SESTD1: variants seen among roughly 807,000 people sequenced by gnomAD.
SESTD1 encodes SEC14 and spectrin domain containing 1.
In SESTD1, 43 loss-of-function variants were observed where a neutral mutation model predicts 101.7. The ratio of observed to expected loss-of-function variants is 0.42; its 90% CI spans 0.33 to 0.55. The LOEUF is 0.55. Among genes scored for constraint, SESTD1 ranks in the 20% least tolerant of loss-of-function variants. The pLI, the probability that SESTD1 is intolerant of heterozygous loss-of-function variation, is 0.07. For missense variants in SESTD1, 647 were observed against 815.1 expected (o/e 0.79, Z 2.51); for synonymous variants, 283 against 286.8 (o/e 0.99, Z 0.13).
intron 5 of SESTD1, among the ~76,000 whole-genome samples, chr2:179,166,760 C>A (rs1234919640): frequency 2.0e-4 from 30 of 152,192 alleles, no homozygotes; most frequent in Admixed American, 2.0e-3. Context: ...AAGCAAAATT[C>A]TCTGGCAAAC....
At chr2:179,164,953 T>C (rs764555051) in intron 5 of SESTD1, among the ~76,000 whole-genome samples, 1 of 152,220 alleles carries the variant, frequency 6.6e-6, no homozygotes, top group Non-Finnish European at 1.5e-5. Context: ...TTTTTAAATA[T>C]TTACAAACAC....
chr2:179,223,264 C>T (rs10439300), intron 1 of SESTD1, among the ~76,000 whole-genome samples: 35,862 of 151,936 alleles, frequency 0.24, 4,809 homozygotes, highest in African/African-American at 0.38. Context: ...AGGCCAGTGG[C>T]TGCCTAGGGC....
intron 1 of SESTD1, among the ~76,000 whole-genome samples, chr2:179,195,511 A>T (rs1436735393): frequency 6.6e-6 from 1 of 152,226 alleles, no homozygotes; most frequent in East Asian, 1.9e-4. Flanking sequence ...AAAACAGACT[A>T]AATAGAAACT....
chr2:179,185,057 T>C (rs564373304), intron 2 of SESTD1, among the ~76,000 whole-genome samples: 6 of 152,140 alleles, frequency 3.9e-5, no homozygotes, highest in East Asian at 3.9e-4. Flanking sequence ...GTGTCTACTA[T>C]TGAAAAGAGT....
chr2:179,197,605 G>A lies in SESTD1; in HGVS notation c.-25-5739C>T, dbSNP rs540590789. On this transcript the variant is annotated intron_variant, in intron 1 of 17. Coordinates refer to ENST00000428443, the MANE Select transcript of SESTD1 (RefSeq NM_178123.5). ...AGGGAAGCCCATCAGACTAACAGCA[G>A]ATCTCTCTGCAGAAACTCTACAAGC... 1.2e-4 allele frequency among the ~76,000 whole-genome samples: 18 copies of A among 152,354 alleles called. No individual in the cohort carries two copies. The South Asian group carries it at 3.7e-3, about 32-fold the overall frequency.
intron 1 of SESTD1, among the ~76,000 whole-genome samples, chr2:179,217,328 T>C (rs923181486): frequency 4.6e-5 from 7 of 152,172 alleles, no homozygotes; most frequent in African/African-American, 1.2e-4. Flanking sequence ...AGGATATAAA[T>C]AGACACTTCT....
chr2:179,174,439 G>T, intron 4 of SESTD1: 1 of 468,952 alleles, frequency 2.1e-6, no homozygotes. Context: ...AGTTCAAACA[G>T]CAAGTCCCAA....
rs569377652 is a variant in SESTD1 at position 179,104,729 on chromosome 2, C to G, written c.*5170G>C. The G allele has an allele frequency of 1.3e-4, 20 of 152,012 alleles. No individual in the cohort carries two copies. Among genetic ancestry groups the G allele is most frequent in the Non-Finnish European group, 2.5e-4 (17 of 67,994 alleles). 9.4% of individuals were successfully genotyped at this position (152,012 alleles called of 1,614,324 possible). ...ATAAGTAGCAGTTGATAACTACTTT[C>G]AGTTAAGAATTCCTATAAAATTACA... On this transcript the variant is annotated 3_prime_UTR_variant, in exon 18 of 18. Coordinates refer to ENST00000428443, the MANE Select transcript of SESTD1 (RefSeq NM_178123.5).
chr2:179,191,079 A>G (rs1298580051), intron 2 of SESTD1, among the ~76,000 whole-genome samples: 1 of 152,236 alleles, frequency 6.6e-6, no homozygotes, highest in African/African-American at 2.4e-5. Flanking sequence ...TACTGTGTAT[A>G]TATCCAACGG....
chr2:179,197,506 G>A (rs1339768126), intron 1 of SESTD1, among the ~76,000 whole-genome samples: 1 of 152,116 alleles, frequency 6.6e-6, no homozygotes, highest in Non-Finnish European at 1.5e-5. Context: ...ACACGTAATT[G>A]TCAGATTCAC....
At chr2:179,135,973 G>A (rs1199024876) in intron 9 of SESTD1, among the ~76,000 whole-genome samples, 2 of 152,088 alleles carry the variant, frequency 1.3e-5, no homozygotes, top group African/African-American at 4.8e-5. Flanking sequence ...TTACTCTTTT[G>A]TATGAGTTAT....
chr2:179,251,172 T>C (rs1025046534), intron 1 of SESTD1, among the ~76,000 whole-genome samples: 1 of 152,048 alleles, frequency 6.6e-6, no homozygotes, highest in Non-Finnish European at 1.5e-5. Flanking sequence ...CCCAAAAATA[T>C]ATATACAATA....
chr2:179,138,870 C>CAAAAAAA lies in SESTD1; in HGVS notation c.849+4715_849+4721dup, dbSNP rs61703699. ...TGGGTAATAGACTGAAACCCTGTCT[C>CAAAAAAA]AAAAAAAAAAAAAAAAAAAAAAAAA... On this transcript the variant is annotated intron_variant, in intron 9 of 17. Coordinates refer to ENST00000428443, the MANE Select transcript of SESTD1 (RefSeq NM_178123.5). Among the ~76,000 whole-genome samples, 93 of 65,530 alleles carry CAAAAAAA rather than the reference C, an allele frequency of 1.4e-3. 2 individuals carry two copies. Among genetic ancestry groups the CAAAAAAA allele is most frequent in the African/African-American group, 3.9e-3 (89 of 22,860 alleles). 43.0% of individuals were successfully genotyped at this position (65,530 alleles called of 152,430 possible).
intron 11 of SESTD1, 59 bp downstream of exon 11, chr2:179,124,305 C>A (rs1481035370): frequency 6.7e-7 from 1 of 1,483,676 alleles, no homozygotes; most frequent in South Asian, 1.4e-5. Context: ...AAAAAAATTA[C>A]GTGTAGGTAA....
intron 5 of SESTD1, among the ~76,000 whole-genome samples, chr2:179,155,605 G>C (rs2045612837): frequency 6.6e-6 from 1 of 151,464 alleles, no homozygotes; most frequent in African/African-American, 2.4e-5. Flanking sequence ...AACAGAGTGA[G>C]ATTCTGTCTC....
At chr2:179,223,276 G>A (rs2046838706) in intron 1 of SESTD1, among the ~76,000 whole-genome samples, 1 of 152,146 alleles carries the variant, frequency 6.6e-6, no homozygotes, top group Non-Finnish European at 1.5e-5. Context: ...GCCTAGGGCT[G>A]GAGTGGGTAT....
At chr2:179,195,933 A>G (rs1409690239) in intron 1 of SESTD1, among the ~76,000 whole-genome samples, 1 of 152,042 alleles carries the variant, frequency 6.6e-6, no homozygotes, top group Non-Finnish European at 1.5e-5. Flanking sequence ...GTTGTTTAAG[A>G]CAGAGGAATG....
At chr2:179,119,334 T>A (rs1455460281) in intron 13 of SESTD1, among the ~76,000 whole-genome samples, 1 of 152,150 alleles carries the variant, frequency 6.6e-6, no homozygotes, top group Non-Finnish European at 1.5e-5. Context: ...TTAGGATAAA[T>A]CTCAAGTTTG....
intron 3 of SESTD1, among the ~76,000 whole-genome samples, chr2:179,178,245 C>T (rs1400979473): frequency 6.6e-6 from 1 of 152,068 alleles, no homozygotes; most frequent in Non-Finnish European, 1.5e-5. Flanking sequence ...ATGCGCATCA[C>T]AAGATAAAGG....
Sources: allele counts gnomAD v4.1 joint callset (sites outside exome capture counted in the v4.1 genomes callset), GRCh38; gene constraint gnomAD v4.1.1; transcripts MANE v1.5; gene names NCBI Gene and HGNC (gene_info 2026-07-23, HGNC 2026-07-21).